EPHB2: variants seen among roughly 807,000 people sequenced by gnomAD.
EPHB2 encodes the protein ephrin type-B receptor 2.
In EPHB2, 18 loss-of-function variants were observed where a neutral mutation model predicts 96.4. That is an observed-to-expected ratio of 0.19 (90% CI 0.13 to 0.28). The LOEUF (loss-of-function observed/expected upper bound fraction) is 0.28, where lower values mean the gene tolerates loss of function less well. Among genes scored for constraint, EPHB2 ranks in the 10% least tolerant of loss-of-function variants. The probability of loss-of-function intolerance (pLI) is 1.00; values close to 1 mark genes in which losing one functional copy is unlikely to be tolerated. For missense variants in EPHB2, 989 were observed against 1,355.4 expected (o/e 0.73, Z 4.25); for synonymous variants, 506 against 534.1 (o/e 0.95, Z 0.72).
chr1:22,767,375 G>T (rs544058416), intron 1 of EPHB2, among the ~76,000 whole-genome samples: 1 of 152,318 alleles, frequency 6.6e-6, no homozygotes, highest in African/African-American at 2.4e-5. Flanking sequence ...ATCATGAAAG[G>T]AGTTTGGGTC....
chr1:22,866,676 G>A (rs1002164572), intron 5 of EPHB2, among the ~76,000 whole-genome samples: 1 of 152,008 alleles, frequency 6.6e-6, no homozygotes, highest in Non-Finnish European at 1.5e-5. Flanking sequence ...GCTCACATCT[G>A]TAATCCCAGT....
chr1:22,753,129 T>C (rs1644091225), intron 1 of EPHB2, among the ~76,000 whole-genome samples: 1 of 152,182 alleles, frequency 6.6e-6, no homozygotes, highest in Admixed American at 6.5e-5. Context: ...ACAGTCTTTT[T>C]CACCCACTAC....
intron 3 of EPHB2, among the ~76,000 whole-genome samples, chr1:22,851,483 T>C (rs1557712424): frequency 6.6e-6 from 1 of 152,192 alleles, no homozygotes; most frequent in Non-Finnish European, 1.5e-5. Context: ...GTGAGGATGC[T>C]CCCACTCCTC....
intron 3 of EPHB2, among the ~76,000 whole-genome samples, chr1:22,840,145 T>C (rs1470541850): frequency 6.6e-6 from 1 of 152,218 alleles, no homozygotes; most frequent in Non-Finnish European, 1.5e-5. Context: ...CTAAGCCTGT[T>C]TTCTCCTTTG....
rs1639912290 is a variant in EPHB2 at position 22,906,273 on chromosome 1, GTCAT to G, written c.1888+165_1888+168del. ...GACCATGAAAGAAGGGCCCTCAAAG[GTCAT>G]CCAGTAAAACCACCTCACTGACAAA... On this transcript the variant is annotated intron_variant, in intron 10 of 15. Transcript: ENST00000374630. The surrounding 1 kb of genome is among the most constrained non-coding windows in gnomAD (Gnocchi z 4.8). 6.6e-6 allele frequency among the ~76,000 whole-genome samples: 1 copy of G among 152,122 alleles called. No individual in the cohort carries two copies. The highest frequency in any genetic ancestry group is 1.5e-5 in the Non-Finnish European group (1 of 68,026).
intron 3 of EPHB2, among the ~76,000 whole-genome samples, chr1:22,809,006 GAC>G (rs1420727346): frequency 6.6e-6 from 1 of 152,234 alleles, no homozygotes; most frequent in Non-Finnish European, 1.5e-5. Flanking sequence ...GTGGAGAACA[GAC>G]AGCTGAGTCA....
At chr1:22,909,274 A>T in intron 13 of EPHB2, 103 bp downstream of exon 13, 1 of 1,569,938 alleles carries the variant, frequency 6.4e-7, no homozygotes, top group Non-Finnish European at 8.7e-7. Flanking sequence ...TGTGGGACAT[A>T]GGCTTCTGAG....
In EPHB2 at chr1:22,875,146, G is replaced by T. The variant is rs903057370; in HGVS notation, c.1304-7213G>T. On this transcript the variant is annotated intron_variant, in intron 5 of 15. Transcript: ENST00000374630. The surrounding 1 kb of genome is among the most constrained non-coding windows in gnomAD (Gnocchi z 4.2). Reference sequence around the variant, plus strand: ...AAGAGGCCCATCAGAAAGAATCAAAGGCCCACTTTCTGGAAGTTTTATTTG... The same window carrying T: ...AAGAGGCCCATCAGAAAGAATCAAATGCCCACTTTCTGGAAGTTTTATTTG... 6.6e-6 allele frequency among the ~76,000 whole-genome samples: 1 copy of T among 152,182 alleles called. No individual in the cohort carries two copies. Among genetic ancestry groups the T allele is most frequent in the Middle Eastern group, 3.2e-3 (1 of 316 alleles).
chr1:22,880,599 GTC>G (rs1315766076), intron 5 of EPHB2, among the ~76,000 whole-genome samples: 1 of 152,262 alleles, frequency 6.6e-6, no homozygotes, highest in Non-Finnish European at 1.5e-5. Context: ...TCTCTGGCCA[GTC>G]CCACTCTGGA....
At chr1:22,759,420 C>G (rs1177739049) in intron 1 of EPHB2, among the ~76,000 whole-genome samples, 1 of 152,072 alleles carries the variant, frequency 6.6e-6, no homozygotes, top group Non-Finnish European at 1.5e-5. Flanking sequence ...CTGTTTGCCC[C>G]GGGCCATTCC....
At chr1:22,878,435 A>G (rs2148545068) in intron 5 of EPHB2, among the ~76,000 whole-genome samples, 1 of 152,342 alleles carries the variant, frequency 6.6e-6, no homozygotes, top group South Asian at 2.1e-4. Context: ...CCTCCCATTA[A>G]GCTGCAAGTC....
chr1:22,788,272 G>C (rs1290450742), intron 3 of EPHB2, among the ~76,000 whole-genome samples: 1 of 152,138 alleles, frequency 6.6e-6, no homozygotes, highest in Non-Finnish European at 1.5e-5. Flanking sequence ...GTTAAGGTGT[G>C]CCCAGCCCTG....
intron 3 of EPHB2, among the ~76,000 whole-genome samples, chr1:22,859,297 TG>T (rs532868298): frequency 0.027 from 1,303 of 48,472 alleles, 13 homozygotes; most frequent in Middle Eastern, 0.098. Flanking sequence ...GTGGGCCTGG[TG>T]GGGGGGGGGG....
At chr1:22,848,927 T>C (rs1645583261) in intron 3 of EPHB2, among the ~76,000 whole-genome samples, 1 of 152,120 alleles carries the variant, frequency 6.6e-6, no homozygotes, top group Non-Finnish European at 1.5e-5. Flanking sequence ...GGTGTCCATG[T>C]GCGCTGGGGA....
chr1:22,863,924 G>A (rs113569659), intron 4 of EPHB2, among the ~76,000 whole-genome samples: 3,915 of 151,906 alleles, frequency 0.026, 160 homozygotes, highest in African/African-American at 0.084. Flanking sequence ...ACAGGGTCTC[G>A]CTATGTTGCC....
intron 3 of EPHB2, among the ~76,000 whole-genome samples, chr1:22,808,110 G>C (rs1644952409): frequency 6.6e-6 from 1 of 151,418 alleles, no homozygotes; most frequent in South Asian, 2.1e-4. Context: ...CTCCAGCCTG[G>C]CCGGCAGAGC....
intron 1 of EPHB2, among the ~76,000 whole-genome samples, chr1:22,764,428 G>A (rs1361709562): frequency 1.3e-5 from 2 of 152,160 alleles, no homozygotes; most frequent in Non-Finnish European, 2.9e-5. Context: ...CCCTGGGGTA[G>A]TGGGTTAGGA....
At chr1:22,754,480 G>T (rs1474487814) in intron 1 of EPHB2, among the ~76,000 whole-genome samples, 1 of 152,004 alleles carries the variant, frequency 6.6e-6, no homozygotes, top group East Asian at 2.0e-4. Context: ...CTCACTCTTT[G>T]GCTGGGCTTC....
chr1:22,765,000 G>C (rs751074618), intron 1 of EPHB2, among the ~76,000 whole-genome samples: 9 of 152,216 alleles, frequency 5.9e-5, no homozygotes, highest in Non-Finnish European at 1.2e-4. Context: ...GTTAAAATGG[G>C]AGGAGGGCAG....
Sources: allele counts gnomAD v4.1 joint callset (sites outside exome capture counted in the v4.1 genomes callset), GRCh38; gene constraint gnomAD v4.1.1; non-coding constraint Gnocchi (gnomAD v3.1); transcripts MANE v1.5; gene names NCBI Gene and HGNC (gene_info 2026-07-23, HGNC 2026-07-21).